LRBA: variants seen among roughly 807,000 people sequenced by gnomAD.
LRBA encodes lipopolysaccharide-responsive and beige-like anchor protein.
Under a neutral mutation model 330.0 loss-of-function variants are expected in LRBA, and 176 were observed. The ratio of observed to expected loss-of-function variants is 0.53; its 90% CI spans 0.47 to 0.60. LRBA has a LOEUF of 0.60. Among genes scored for constraint, LRBA ranks in the 20% least tolerant of loss-of-function variants. LRBA has a pLI of 0.00. For synonymous variants in LRBA, 1,230 were observed against 1,193.0 expected (o/e 1.03, Z -0.64); for missense variants, 3,259 against 3,444.8 (o/e 0.95, Z 1.35).
At chr4:150,581,257 G>A (rs1487470782) in intron 40 of LRBA, 3 of 392,682 alleles carry the variant, frequency 7.6e-6, no homozygotes, top group Admixed American at 5.9e-5. Context: ...ACTAGTTTTT[G>A]CCCTGCCCTG....
Position 150,906,415 on chromosome 4 carries a change from T to G in LRBA, c.1494-10A>C, listed in dbSNP as rs1284859984. On this transcript the variant is annotated splice_polypyrimidine_tract_variant and intron_variant, in intron 11 of 56. Transcript: ENST00000651943. Reference sequence around the variant, plus strand: ...GGCCAGCAAGGTTGAACTAGAATTTTTTAAAAAGGCGATGATTAAAAAAAC... The same window carrying G: ...GGCCAGCAAGGTTGAACTAGAATTTGTTAAAAAGGCGATGATTAAAAAAAC... The G allele has an allele frequency of 6.9e-7, 1 of 1,451,868 alleles. No individual in the cohort carries two copies. The highest frequency in any genetic ancestry group is 2.3e-5 in the East Asian group (1 of 44,058). The allele number at this position is 1,451,868 out of a possible 1,614,324, so 89.9% of individuals were successfully genotyped here. A position where few individuals can be genotyped will look rare whatever the true frequency, so the allele number is the denominator to read the frequency against.
intron 36 of LRBA, among the ~76,000 whole-genome samples, chr4:150,707,856 C>G (rs183180755): frequency 1.5e-3 from 229 of 151,744 alleles, no homozygotes; most frequent in African/African-American, 5.2e-3. Flanking sequence ...AACATACTTC[C>G]AGAAAGGTCA....
At chr4:150,482,683 A>G (rs1757422874) in intron 42 of LRBA, among the ~76,000 whole-genome samples, 1 of 152,086 alleles carries the variant, frequency 6.6e-6, no homozygotes, top group Non-Finnish European at 1.5e-5. Flanking sequence ...TGCCTTGTAT[A>G]CTGCTCTTGG....
intron 47 of LRBA, among the ~76,000 whole-genome samples, chr4:150,360,954 C>T (rs1262357790): frequency 6.6e-6 from 1 of 152,208 alleles, no homozygotes; most frequent in East Asian, 1.9e-4. Flanking sequence ...TATAAACTTT[C>T]CATCCTTAAA....
At chr4:150,603,086 T>A (rs184374244) in intron 37 of LRBA, among the ~76,000 whole-genome samples, 39 of 152,314 alleles carry the variant, frequency 2.6e-4, no homozygotes, top group Admixed American at 2.2e-3. Flanking sequence ...AGTAAAGAGG[T>A]TAGCCTAAGT....
At chr4:150,642,619 C>A (rs1778787389) in intron 37 of LRBA, among the ~76,000 whole-genome samples, 1 of 151,826 alleles carries the variant, frequency 6.6e-6, no homozygotes, top group South Asian at 2.1e-4. Flanking sequence ...CAAGCAAAAT[C>A]ACAATGCAGA....
At chr4:150,353,983 T>A (rs555145853) in intron 47 of LRBA, among the ~76,000 whole-genome samples, 1 of 152,264 alleles carries the variant, frequency 6.6e-6, no homozygotes, top group East Asian at 1.9e-4. Flanking sequence ...GTCATTTCAG[T>A]ACAAAGTCAG....
chr4:150,896,457 C>A lies in LRBA; in HGVS notation c.2005-1G>T. On this transcript the variant is annotated splice_acceptor_variant, in intron 15 of 56. Transcript: ENST00000651943. LOFTEE classifies it high-confidence loss of function. Reference sequence around the variant, plus strand: ...ATTCATCTTCCTTTACTCCAGAATCCTTCAAAAACATAATACAGGTATCTT... The same window carrying A: ...ATTCATCTTCCTTTACTCCAGAATCATTCAAAAACATAATACAGGTATCTT... 1 of 1,510,724 alleles carries A rather than the reference C, an allele frequency of 6.6e-7. No individual in the cohort carries two copies. Among genetic ancestry groups the A allele is most frequent in the South Asian group, 1.2e-5 (1 of 83,234 alleles). The allele number at this position is 1,510,724 out of a possible 1,614,324, so 93.6% of individuals were successfully genotyped here. A position where few individuals can be genotyped will look rare whatever the true frequency, so the allele number is the denominator to read the frequency against.
intron 4 of LRBA, among the ~76,000 whole-genome samples, chr4:150,923,118 G>T (rs181300402): frequency 1.3e-5 from 2 of 151,492 alleles, no homozygotes; most frequent in African/African-American, 4.8e-5. Flanking sequence ...GGGTTTAGCC[G>T]GAGGTAGCCC....
intron 36 of LRBA, among the ~76,000 whole-genome samples, chr4:150,721,677 C>A (rs1728955212): frequency 6.6e-6 from 1 of 152,128 alleles, no homozygotes; most frequent in African/African-American, 2.4e-5. Flanking sequence ...TGCAGTGGCA[C>A]GATCTTGGCT....
chr4:150,488,507 A>T (rs1758162886), intron 41 of LRBA, among the ~76,000 whole-genome samples: 1 of 151,642 alleles, frequency 6.6e-6, no homozygotes, highest in South Asian at 2.1e-4. Flanking sequence ...ATACATGAGA[A>T]TACCAAGAAG....
intron 26 of LRBA, among the ~76,000 whole-genome samples, chr4:150,845,306 T>C (rs900421712): frequency 2.4e-4 from 37 of 152,188 alleles, no homozygotes; most frequent in Non-Finnish European, 4.9e-4. Flanking sequence ...TAATAGAGGA[T>C]ATAGCTTTTG....
chr4:150,656,577 A>G (rs1219589274), intron 37 of LRBA, among the ~76,000 whole-genome samples: 1 of 152,220 alleles, frequency 6.6e-6, no homozygotes. Flanking sequence ...TGGCTGCCAC[A>G]GAACTACTCA....
intron 40 of LRBA, among the ~76,000 whole-genome samples, chr4:150,491,294 G>C (rs1758908773): frequency 2.0e-5 from 3 of 151,884 alleles, no homozygotes; most frequent in Non-Finnish European, 4.4e-5. Context: ...ATAATCTACT[G>C]CTTCTGAAGA....
intron 46 of LRBA, among the ~76,000 whole-genome samples, chr4:150,431,736 A>G (rs1750410544): frequency 6.6e-6 from 1 of 152,102 alleles, no homozygotes. Context: ...TTATATTTCC[A>G]TTGGAGAGTC....
intron 40 of LRBA, among the ~76,000 whole-genome samples, chr4:150,525,031 T>C (rs895656551): frequency 1.3e-5 from 2 of 152,158 alleles, no homozygotes; most frequent in African/African-American, 4.8e-5. Context: ...GTTTGGGAAC[T>C]CTTTAATCAA....
intron 42 of LRBA, among the ~76,000 whole-genome samples, 164 bp downstream of exon 42, chr4:150,487,565 ATAC>A (rs1758028557): frequency 6.6e-6 from 1 of 151,198 alleles, no homozygotes; most frequent in Non-Finnish European, 1.5e-5. Context: ...TCAAAAGAAA[ATAC>A]TAATAATCAT....
intron 2 of LRBA, among the ~76,000 whole-genome samples, chr4:150,966,626 G>A (rs1201374830): frequency 6.6e-6 from 1 of 151,874 alleles, no homozygotes; most frequent in Non-Finnish European, 1.5e-5. Context: ...GCGCCCGGCC[G>A]CTAGTTCATT....
chr4:150,272,252 TAACA>T (rs1560943868), intron 56 of LRBA, among the ~76,000 whole-genome samples: 1 of 152,032 alleles, frequency 6.6e-6, no homozygotes, highest in African/African-American at 2.4e-5. Flanking sequence ...GAAGGAAAAC[TAACA>T]AACAGGAATA....
Sources: gnomAD v4.1 joint callset for allele counts (sites outside exome capture counted in the v4.1 genomes callset) on GRCh38, gnomAD v4.1.1 for gene constraint, MANE v1.5 for transcripts, NCBI Gene and HGNC (gene_info 2026-07-23, HGNC 2026-07-21) for gene names.